XKR4: variants seen among roughly 807,000 people sequenced by gnomAD.
XKR4 encodes the protein XK related 4.
In XKR4, 12 loss-of-function variants were observed where a neutral mutation model predicts 53.9. The observed-to-expected ratio is 0.22, with a 90% confidence interval of 0.14 to 0.36. The LOEUF is 0.36. XKR4 is among the 10% of genes least tolerant of loss of function. The probability of loss-of-function intolerance (pLI) is 1.00; values close to 1 mark genes in which losing one functional copy is unlikely to be tolerated. For missense variants in XKR4, 799 were observed against 859.5 expected (o/e 0.93, Z 0.88); for synonymous variants, 354 against 362.4 (o/e 0.98, Z 0.26).
At chr8:55,150,732 C>A (rs1816830538) in intron 1 of XKR4, among the ~76,000 whole-genome samples, 1 of 152,116 alleles carries the variant, frequency 6.6e-6, no homozygotes, top group African/African-American at 2.4e-5. Context: ...TATGACATGT[C>A]ACAGCCATTT....
At chr8:55,324,106 CT>C (rs1213513907) in intron 1 of XKR4, among the ~76,000 whole-genome samples, 1 of 151,862 alleles carries the variant, frequency 6.6e-6, no homozygotes, top group East Asian at 1.9e-4. Context: ...TTTTTATTGT[CT>C]TTTTTTGAGA....
chr8:55,508,244 T>C (rs140056893), intron 2 of XKR4, among the ~76,000 whole-genome samples: 30 of 152,292 alleles, frequency 2.0e-4, no homozygotes, highest in African/African-American at 7.2e-4. Context: ...CGGTCTGTCC[T>C]CAAGGGCTAT....
intron 1 of XKR4, among the ~76,000 whole-genome samples, chr8:55,320,927 A>T (rs1047672587): frequency 1.3e-5 from 2 of 151,962 alleles, no homozygotes; most frequent in Non-Finnish European, 2.9e-5. Context: ...AAGGACCATT[A>T]ATCTGTCTTC....
intron 1 of XKR4, among the ~76,000 whole-genome samples, chr8:55,178,441 G>A (rs1013626280): frequency 6.6e-6 from 1 of 152,134 alleles, no homozygotes; most frequent in Admixed American, 6.5e-5. Context: ...GTTACTGAAC[G>A]TCAAACGTTC....
chr8:55,153,630 C>G (rs532850906), intron 1 of XKR4, among the ~76,000 whole-genome samples: 1 of 152,266 alleles, frequency 6.6e-6, no homozygotes, highest in East Asian at 1.9e-4. Flanking sequence ...CTTAAGAGTT[C>G]CAATACAAAA....
chr8:55,371,166 T>C (rs568925144), intron 2 of XKR4, among the ~76,000 whole-genome samples: 8 of 151,384 alleles, frequency 5.3e-5, no homozygotes, highest in African/African-American at 1.9e-4. Context: ...ATCAGGAAAG[T>C]TTTTGTGAAA....
intron 1 of XKR4, among the ~76,000 whole-genome samples, chr8:55,310,136 G>T (rs1819367366): frequency 6.6e-6 from 1 of 152,024 alleles, no homozygotes; most frequent in African/African-American, 2.4e-5. Flanking sequence ...AGAAGAAAAA[G>T]AAAAACACCA....
At chr8:55,333,461 G>A (rs141927416) in intron 1 of XKR4, among the ~76,000 whole-genome samples, 3 of 152,066 alleles carry the variant, frequency 2.0e-5, no homozygotes, top group African/African-American at 7.2e-5. Flanking sequence ...GCCTATGAGT[G>A]TGCTTTATTC....
At chr8:55,173,350 A>G (rs1344790347) in intron 1 of XKR4, among the ~76,000 whole-genome samples, 1 of 151,480 alleles carries the variant, frequency 6.6e-6, no homozygotes, top group African/African-American at 2.4e-5. Context: ...TCTTTAACCT[A>G]CTTTCCAAAT....
At chr8:55,372,911 G>A (rs906170) in intron 2 of XKR4, among the ~76,000 whole-genome samples, 1 of 152,170 alleles carries the variant, frequency 6.6e-6, no homozygotes, top group Non-Finnish European at 1.5e-5. Flanking sequence ...CAAACTGTCA[G>A]AGCAGATGCA....
intron 2 of XKR4, among the ~76,000 whole-genome samples, chr8:55,360,905 G>A (rs777486118): frequency 1.3e-5 from 2 of 152,210 alleles, no homozygotes; most frequent in Non-Finnish European, 2.9e-5. Context: ...AGGCTGACAG[G>A]CCCAGGGAGA....
intron 1 of XKR4, among the ~76,000 whole-genome samples, chr8:55,290,173 G>A (rs977665529): frequency 1.0e-4 from 15 of 146,198 alleles, no homozygotes; most frequent in African/African-American, 3.6e-4. Flanking sequence ...CCTGTCACCC[G>A]GGCTAGAGTG....
chr8:55,204,429 T>A lies in XKR4; in HGVS notation c.806+101135T>A, dbSNP rs561717076. ...TAATTGTGATAAAAATCTTCACACA[T>A]CTATATGTAATTCTCTGATATTTTG... On this transcript the variant is annotated intron_variant, in intron 1 of 2. Transcript: ENST00000327381. 3.9e-5 allele frequency among the ~76,000 whole-genome samples: 6 copies of A among 152,324 alleles called. No homozygotes were observed. In the South Asian group the frequency reaches 1.2e-3, roughly 32 times the overall value.
intron 1 of XKR4, among the ~76,000 whole-genome samples, chr8:55,175,302 G>A (rs991769271): frequency 3.9e-5 from 6 of 152,166 alleles, no homozygotes; most frequent in Non-Finnish European, 8.8e-5. Context: ...ACAGAAATTG[G>A]CTTTGACAGA....
At chr8:55,512,280 G>A (rs1026657928) in intron 2 of XKR4, among the ~76,000 whole-genome samples, 8 of 152,176 alleles carry the variant, frequency 5.3e-5, no homozygotes, top group African/African-American at 1.9e-4. Flanking sequence ...GATCGTACAC[G>A]CACCTTGCCA....
chr8:55,523,648 C>A lies in XKR4; in HGVS notation c.1374C>A (p.Phe458Leu). 6.2e-7 allele frequency: 1 copy of A among 1,614,180 alleles called. No homozygotes were observed. Among genetic ancestry groups the A allele is most frequent in the East Asian group, 2.2e-5 (1 of 44,886 alleles). Residue 458 changes from phenylalanine (F) to leucine (L), a missense_variant, in exon 3 of 3, where the codon TTC (phenylalanine) becomes TTA (leucine). This residue lies in a region of XKR4 where 269 missense variants were observed against 264.4 expected (regional missense o/e 1.02). Transcript: ENST00000327381. ...AAGGCAGGACACGCTGCAGGCTATT[C>A]ATTTACTATTTTGTGATCCTTTTGG... ...VKEGRTRCRL[F>L]IYYFVILLEN...
chr8:55,442,106 CA>C (rs1309984463), intron 2 of XKR4, among the ~76,000 whole-genome samples: 6 of 151,578 alleles, frequency 4.0e-5, no homozygotes, highest in Admixed American at 2.6e-4. Flanking sequence ...CAATGATGAT[CA>C]AAAATTTAAG....
Position 55,102,603 on chromosome 8 carries a change from C to A in XKR4, c.115C>A (p.Pro39Thr). 6.8e-7 allele frequency: 1 copy of A among 1,469,872 alleles called. No individual in the cohort carries two copies. The highest frequency in any genetic ancestry group is 9.1e-7 in the Non-Finnish European group (1 of 1,100,464). 91.1% of individuals were successfully genotyped at this position (1,469,872 alleles called of 1,614,324 possible). A position where few individuals can be genotyped will look rare whatever the true frequency, so the allele number is the denominator to read the frequency against. Residue 39 changes from proline (P) to threonine (T), a missense_variant, in exon 1 of 3, where the codon CCG becomes ACG. Pro to Thr is a conservative substitution (Grantham distance 38). This residue lies in a region of XKR4 where 476 missense variants were observed against 505.4 expected (regional missense o/e 0.94). Coordinates refer to ENST00000327381, the MANE Select transcript of XKR4 (RefSeq NM_052898.2). This position sits in a 1 kb window ranked among gnomAD's most constrained non-coding sequence, Gnocchi z 5.1. ...GSVQGLAPGL[P>T]SGSGAEDEEA... ...GGTGCAGGGATTGGCTCCAGGCTTG[C>A]CGTCGGGGTCGGGAGCCGAGGACGA...
chr8:55,117,928 A>G (rs1174057534), intron 1 of XKR4, among the ~76,000 whole-genome samples: 5 of 152,304 alleles, frequency 3.3e-5, no homozygotes, highest in African/African-American at 1.2e-4. Flanking sequence ...TTGAGTCTTC[A>G]CTTAGTGCTG....
Sources: allele counts gnomAD v4.1 joint callset (sites outside exome capture counted in the v4.1 genomes callset), GRCh38; gene constraint gnomAD v4.1.1; regional missense constraint gnomAD v4.1.1; non-coding constraint Gnocchi (gnomAD v3.1); transcripts MANE v1.5; gene names NCBI Gene and HGNC (gene_info 2026-07-23, HGNC 2026-07-21).